The following RAB22A variants were observed in gnomAD, a reference collection of about 807,000 sequenced individuals.
The protein encoded by RAB22A is ras-related protein Rab-22A.
RAB22A carries 13 observed loss-of-function variants against 30.2 expected under a neutral mutation model. The ratio of observed to expected loss-of-function variants is 0.43; its 90% CI spans 0.28 to 0.68. RAB22A has a LOEUF of 0.68. Among genes scored for constraint, RAB22A ranks in the 30% least tolerant of loss-of-function variants. The pLI is 0.18. For synonymous variants in RAB22A, 89 were observed against 87.2 expected (o/e 1.02, Z -0.11); for missense variants, 177 against 246.8 (o/e 0.72, Z 1.89).
In RAB22A at chr20:58,343,542, G is replaced by A. The variant is rs501253; in HGVS notation, c.117-176G>A. On this transcript the variant is annotated intron_variant, in intron 2 of 6. Coordinates refer to ENST00000244040, the MANE Select transcript of RAB22A (RefSeq NM_020673.3). The stretch of plus-strand genomic sequence containing the variant: ...GATGTGCCTAATGCTTTATTTTGAC[G>A]GAGGATATGCACTCAGCATCTGAGC... Among the ~76,000 whole-genome samples the A allele has an allele frequency of 0.12, 18,725 of 151,916 alleles. 1,497 individuals are homozygous for A. Among genetic ancestry groups the A allele is most frequent in the Non-Finnish European group, 0.18 (12,283 of 67,944 alleles).
At chr20:58,317,806 A>C (rs1986374600) in intron 2 of RAB22A, among the ~76,000 whole-genome samples, 2 of 152,096 alleles carry the variant, frequency 1.3e-5, no homozygotes, top group Admixed American at 1.3e-4. Flanking sequence ...TTGGCCTCCC[A>C]AAGTGCTGGG....
intron 2 of RAB22A, among the ~76,000 whole-genome samples, chr20:58,335,632 G>A (rs1197237964): frequency 6.6e-6 from 1 of 152,232 alleles, no homozygotes; most frequent in African/African-American, 2.4e-5. Context: ...AAACTGCTAA[G>A]ATCAAACTTC....
Position 58,362,652 on chromosome 20 carries a change from T to C in RAB22A, c.*2949T>C, listed in dbSNP as rs1020248982. ...CTATGATAACTAATTAACCATCATC[T>C]GGTGATTAAAAGAACATAAAGTAAG... On this transcript the variant is annotated 3_prime_UTR_variant, in exon 7 of 7. Transcript: ENST00000244040. 2 of 152,250 alleles carry C rather than the reference T, an allele frequency of 1.3e-5. No homozygotes were observed. The highest frequency in any genetic ancestry group is 2.9e-5 in the Non-Finnish European group (2 of 68,036). The allele number at this position is 152,250 out of a possible 1,614,324, so 9.4% of individuals were successfully genotyped here.
At chr20:58,338,373 T>C (rs1457856463) in intron 2 of RAB22A, among the ~76,000 whole-genome samples, 3 of 152,184 alleles carry the variant, frequency 2.0e-5, no homozygotes, top group Non-Finnish European at 4.4e-5. Context: ...CCAAAAAGTT[T>C]TTAGGCTGTA....
At chr20:58,348,817 C>T (rs140583432) in intron 3 of RAB22A, among the ~76,000 whole-genome samples, 1 of 152,102 alleles carries the variant, frequency 6.6e-6, no homozygotes, top group Non-Finnish European at 1.5e-5. Flanking sequence ...GCAAAAACAG[C>T]TCAGTGTTTT....
intron 2 of RAB22A, 76 bp downstream of exon 2, chr20:58,311,198 A>G: frequency 7.6e-7 from 1 of 1,322,844 alleles, no homozygotes; most frequent in Non-Finnish European, 1.1e-6. Context: ...TTACAGGTGT[A>G]GGCCCTGCGC....
chr20:58,324,865 CAA>C (rs35375006), intron 2 of RAB22A, among the ~76,000 whole-genome samples: 2,121 of 29,598 alleles, frequency 0.072, 33 homozygotes, highest in Non-Finnish European at 0.09. Flanking sequence ...GACTCCGTCT[CAA>C]AAAAAAAAAA....
intron 2 of RAB22A, among the ~76,000 whole-genome samples, chr20:58,321,107 T>C (rs568346420): frequency 2.0e-5 from 3 of 152,092 alleles, no homozygotes; most frequent in Admixed American, 6.5e-5. Flanking sequence ...AGAGAATCGC[T>C]TGAACCCTGG....
At chr20:58,344,791 A>G (rs542394741) in intron 3 of RAB22A, among the ~76,000 whole-genome samples, 12 of 152,344 alleles carry the variant, frequency 7.9e-5, no homozygotes, top group African/African-American at 2.2e-4. Flanking sequence ...AAAACAAGCC[A>G]TTACTGTTGT....
chr20:58,327,314 A>G (rs192188824), intron 2 of RAB22A, among the ~76,000 whole-genome samples: 1 of 152,320 alleles, frequency 6.6e-6, no homozygotes, highest in East Asian at 1.9e-4. Flanking sequence ...TTTTCTGTGT[A>G]TCAGGAATCC....
intron 1 of RAB22A, among the ~76,000 whole-genome samples, chr20:58,310,731 CAGG>C (rs1017696312): frequency 2.6e-5 from 4 of 152,180 alleles, no homozygotes; most frequent in African/African-American, 9.7e-5. Context: ...AGAGGTAACT[CAGG>C]AGTTCAAAGT....
At position 58,336,728 on chromosome 20, in the gene RAB22A, A is replaced by G. The variant is rs187036585; in HGVS notation, c.117-6990A>G. 2.0e-5 allele frequency among the ~76,000 whole-genome samples: 3 copies of G among 152,342 alleles called. No individual in the cohort carries two copies. The East Asian group carries it at 5.8e-4, about 29-fold the overall frequency. ...TTAGAATATCTCTGAAATATTCACTAGTAATACAAATGGAGCAGCATAAAT... is the reference window on the plus strand; with the variant it reads ...TTAGAATATCTCTGAAATATTCACTGGTAATACAAATGGAGCAGCATAAAT... On this transcript the variant is annotated intron_variant, in intron 2 of 6. Transcript: ENST00000244040.
chr20:58,318,411 C>T (rs945113552), intron 2 of RAB22A, among the ~76,000 whole-genome samples: 3 of 152,096 alleles, frequency 2.0e-5, no homozygotes, highest in Admixed American at 6.6e-5. Flanking sequence ...CAAAATGCTC[C>T]AAAATCTAAA....
Position 58,311,077 on chromosome 20 carries a change from G to A in RAB22A, c.71G>A (p.Arg24Gln), listed in dbSNP as rs1007615795. The change falls in exon 2 of 7, where the codon CGG (arginine) becomes CAG (glutamine). Residue 24 changes from arginine to glutamine, a missense_variant. Arg to Gln is a conservative substitution (Grantham distance 43). Transcript: ENST00000244040. ...TGVGKSSIVW[R>Q]FVEDSFDPNI... ...GTAGGTAAATCGAGTATTGTGTGGC[G>A]GTTTGTGGAAGACAGTTTTGATCCA... 4.4e-6 allele frequency: 7 copies of A among 1,606,594 alleles called. No individual in the cohort carries two copies. The highest frequency in any genetic ancestry group is 3.3e-5 in the Admixed American group (2 of 59,998).
chr20:58,353,318 A>G lies in RAB22A; in HGVS notation c.244A>G (p.Ile82Val). 2 of 1,614,122 alleles carry G rather than the reference A, an allele frequency of 1.2e-6. No homozygotes were observed. Among genetic ancestry groups the G allele is most frequent in the African/African-American group, 1.3e-5 (1 of 75,056 alleles). Residue 82 changes from isoleucine (I) to valine (V), a missense_variant, in exon 4 of 7, where the codon ATA (isoleucine) becomes GTA (valine). Physicochemically the swap from Ile to Val is conservative, Grantham distance 29 (BLOSUM62 3). Transcript: ENST00000244040. ...GTACTATCGAGGGTCGGCTGCAGCTATAATCGTTTATGATATCACAAAAGA... is the reference window on the plus strand; with the variant it reads ...GTACTATCGAGGGTCGGCTGCAGCTGTAATCGTTTATGATATCACAAAAGA... ...PMYYRGSAAA[I>V]IVYDITKEET...
At chr20:58,351,728 G>A (rs976543008) in intron 3 of RAB22A, among the ~76,000 whole-genome samples, 15 of 152,212 alleles carry the variant, frequency 9.9e-5, no homozygotes, top group Admixed American at 8.5e-4. Context: ...CAGGAGAATG[G>A]CTTGAACCCG....
In RAB22A at chr20:58,309,791, G is replaced by A. The variant is rs1193026057; in HGVS notation, c.-186G>A. On this transcript the variant is annotated 5_prime_UTR_variant, in exon 1 of 7. Coordinates refer to ENST00000244040, the MANE Select transcript of RAB22A (RefSeq NM_020673.3). ...CCGCGGCGGCGTCCCGGCTGCTAAG[G>A]CGGGCCCCACGCGGCTGGCAGCGGA... 2.5e-5 allele frequency: 11 copies of A among 431,920 alleles called. 1 individual carries two copies. The highest frequency in any genetic ancestry group is 2.1e-4 in the African/African-American group (10 of 47,982). The allele number at this position is 431,920 out of a possible 1,614,324, so 26.8% of individuals were successfully genotyped here.
At chr20:58,319,477 G>T (rs181410345) in intron 2 of RAB22A, among the ~76,000 whole-genome samples, 45 of 152,262 alleles carry the variant, frequency 3.0e-4, no homozygotes, top group African/African-American at 1.1e-3. Flanking sequence ...GAAAGTCTTG[G>T]AATCAGATAG....
At chr20:58,322,574 T>C (rs538127792) in intron 2 of RAB22A, among the ~76,000 whole-genome samples, 1 of 152,380 alleles carries the variant, frequency 6.6e-6, no homozygotes, top group African/African-American at 2.4e-5. Flanking sequence ...TCCATTGTAT[T>C]TCCACTATTA....
Sources: gnomAD v4.1 joint callset for allele counts (sites outside exome capture counted in the v4.1 genomes callset) on GRCh38, gnomAD v4.1.1 for gene constraint, MANE v1.5 for transcripts, NCBI Gene and HGNC (gene_info 2026-07-23, HGNC 2026-07-21) for gene names.